OXR1: variants seen among roughly 807,000 people sequenced by gnomAD.
OXR1 encodes the protein oxidation resistance protein 1.
Under a neutral mutation model 104.6 loss-of-function variants are expected in OXR1, and 41 were observed. That is an observed-to-expected ratio of 0.39 (90% CI 0.31 to 0.51). The LOEUF is 0.51. Among genes scored for constraint, OXR1 ranks in the 20% least tolerant of loss-of-function variants. The probability of loss-of-function intolerance (pLI) is 0.77; values close to 1 mark genes in which losing one functional copy is unlikely to be tolerated. For synonymous variants in OXR1, 348 were observed against 348.4 expected, an observed-to-expected ratio of 1.00 and a Z score of 0.01; for missense variants, 955 against 1,031.9, an observed-to-expected ratio of 0.93 and a Z score of 1.02.
chr8:106,614,916 T>G (rs1821095798), intron 3 of OXR1, among the ~76,000 whole-genome samples: 1 of 152,236 alleles, frequency 6.6e-6, no homozygotes, highest in African/African-American at 2.4e-5. Context: ...GTAAATATTG[T>G]AAAAGCCCTC....
chr8:106,465,904 G>A (rs948597651), intron 2 of OXR1, among the ~76,000 whole-genome samples: 8 of 151,924 alleles, frequency 5.3e-5, no homozygotes, highest in Non-Finnish European at 1.5e-5. Context: ...TGAACTAGCC[G>A]TATGATGTAT....
chr8:106,503,568 C>G (rs1038723300), intron 2 of OXR1, among the ~76,000 whole-genome samples: 1 of 152,106 alleles, frequency 6.6e-6, no homozygotes, highest in Admixed American at 6.5e-5. Context: ...AGGTAAGAGC[C>G]TTCATTGAAA....
intron 3 of OXR1, among the ~76,000 whole-genome samples, chr8:106,612,184 T>A (rs1352492951): frequency 2.0e-5 from 3 of 152,150 alleles, no homozygotes; most frequent in Non-Finnish European, 4.4e-5. Context: ...AAAAAAATAT[T>A]ATTCTGATAG....
At chr8:106,574,332 C>T (rs1042488167) in intron 3 of OXR1, among the ~76,000 whole-genome samples, 1 of 152,186 alleles carries the variant, frequency 6.6e-6, no homozygotes, top group African/African-American at 2.4e-5. Flanking sequence ...ACTCCCATCT[C>T]TAGGTCTAAA....
chr8:106,398,865 A>T (rs1817891184), intron 2 of OXR1, among the ~76,000 whole-genome samples: 1 of 152,164 alleles, frequency 6.6e-6, no homozygotes, highest in African/African-American at 2.4e-5. Flanking sequence ...CTTTCTGCTG[A>T]TAAATCACTG....
rs140334734 is a variant in OXR1, at chr8:106,628,367, C to G, written c.221-50843C>G. The stretch of plus-strand genomic sequence containing the variant: ...CATATTCTCTCATTTAATCTTCATA[C>G]AACCCCAAGAGATGTAAATGCTTTT... On this transcript the variant is annotated intron_variant, in intron 3 of 16. Transcript: ENST00000517566. Among the ~76,000 whole-genome samples the G allele has an allele frequency of 9.9e-5, 15 of 152,242 alleles. 1 individual carries two copies. In the East Asian group the frequency reaches 2.7e-3, roughly 27 times the overall value.
chr8:106,396,388 G>A (rs755805519), intron 2 of OXR1, among the ~76,000 whole-genome samples: 4 of 152,030 alleles, frequency 2.6e-5, no homozygotes, highest in African/African-American at 4.8e-5. Context: ...TAGGATGTGC[G>A]GAGGAGGGTG....
chr8:106,653,973 A>G (rs1197022895), intron 3 of OXR1, among the ~76,000 whole-genome samples: 2 of 152,196 alleles, frequency 1.3e-5, no homozygotes, highest in East Asian at 3.9e-4. Context: ...TATTCACAAT[A>G]TCAACAAAAA....
chr8:106,375,906 A>G (rs532956510), intron 2 of OXR1, among the ~76,000 whole-genome samples: 2 of 152,324 alleles, frequency 1.3e-5, no homozygotes, highest in Non-Finnish European at 2.9e-5. Flanking sequence ...CCAGGATGCA[A>G]TGGCATGATC....
intron 3 of OXR1, among the ~76,000 whole-genome samples, chr8:106,637,806 G>C (rs1823275548): frequency 6.9e-6 from 1 of 145,906 alleles, no homozygotes; most frequent in African/African-American, 2.6e-5. Flanking sequence ...GTGTCACCCA[G>C]GCTGGAGTGC....
At chr8:106,375,444 A>T (rs1484669692) in intron 2 of OXR1, among the ~76,000 whole-genome samples, 1 of 152,146 alleles carries the variant, frequency 6.6e-6, no homozygotes, top group Non-Finnish European at 1.5e-5. Flanking sequence ...GATTTTTTTT[A>T]ATTAAAATTT....
chr8:106,375,127 C>T (rs1816856752), intron 2 of OXR1, among the ~76,000 whole-genome samples: 1 of 152,162 alleles, frequency 6.6e-6, no homozygotes, highest in African/African-American at 2.4e-5. Context: ...CATTAAATTA[C>T]ATTCAGATAC....
At chr8:106,363,998 G>A (rs1206808359) in intron 2 of OXR1, among the ~76,000 whole-genome samples, 1 of 151,782 alleles carries the variant, frequency 6.6e-6, no homozygotes, top group Admixed American at 6.6e-5. Flanking sequence ...CCCAGATTTA[G>A]TTCCTCATAA....
chr8:106,555,586 T>C (rs1171831830), intron 3 of OXR1, among the ~76,000 whole-genome samples: 1 of 152,018 alleles, frequency 6.6e-6, no homozygotes, highest in Non-Finnish European at 1.5e-5. Context: ...ATATAAGTAA[T>C]TGTGGCCATT....
intron 6 of OXR1, among the ~76,000 whole-genome samples, chr8:106,685,535 C>G (rs1376992177): frequency 1.3e-5 from 2 of 152,162 alleles, no homozygotes; most frequent in Middle Eastern, 3.4e-3. Flanking sequence ...TGAAAATGTA[C>G]CCCTTCTTAC....
chr8:106,355,693 T>A lies in OXR1; in HGVS notation c.-138-3783T>A, dbSNP rs541299009. Reference sequence around the variant, plus strand: ...GATATTTACTTATAAACATGTAAGTTTTTTTTCTTTTTCTTTTTTTTAATT... The same window carrying A: ...GATATTTACTTATAAACATGTAAGTATTTTTTCTTTTTCTTTTTTTTAATT... On this transcript the variant is annotated intron_variant, in intron 1 of 16. Transcript: ENST00000517566. Among the ~76,000 whole-genome samples, 14 of 152,156 alleles carry A rather than the reference T, an allele frequency of 9.2e-5. No individual in the cohort carries two copies. In the South Asian group the frequency reaches 2.9e-3, roughly 32 times the overall value.
In OXR1 at chr8:106,478,803, G is replaced by GA. The variant is rs1451283398; in HGVS notation, c.24-40136dup. Among the ~76,000 whole-genome samples the GA allele has an allele frequency of 2.0e-5, 3 of 151,882 alleles. No individual in the cohort carries two copies. The East Asian group carries it at 5.8e-4, about 30-fold the overall frequency. ...AACCCATTATGAACTTTAGCAGTAAGAAAAGGTTTTCCTGCAAGCAAGATT... is the reference window on the plus strand; with the variant it reads ...AACCCATTATGAACTTTAGCAGTAAGAAAAAGGTTTTCCTGCAAGCAAGATT... On this transcript the variant is annotated intron_variant, in intron 2 of 16. Transcript: ENST00000517566.
At chr8:106,742,724 C>CT (rs556551366) in intron 15 of OXR1, among the ~76,000 whole-genome samples, 119 of 152,182 alleles carry the variant, frequency 7.8e-4, no homozygotes, top group African/African-American at 2.7e-3. Flanking sequence ...ATAAATTGTG[C>CT]TGGGAGAACT....
intron 1 of OXR1, among the ~76,000 whole-genome samples, chr8:106,298,743 A>G (rs1355379066): frequency 3.6e-5 from 3 of 83,324 alleles, no homozygotes; most frequent in African/African-American, 9.4e-5. Context: ...TTTCTGGAGG[A>G]AAAAAAACAA....
Sources: gnomAD v4.1 joint callset for allele counts (sites outside exome capture counted in the v4.1 genomes callset) on GRCh38, gnomAD v4.1.1 for gene constraint, MANE v1.5 for transcripts, NCBI Gene and HGNC (gene_info 2026-07-23, HGNC 2026-07-21) for gene names.